BACH2: variants seen among roughly 807,000 people sequenced by gnomAD.
BACH2 encodes transcription regulator protein BACH2.
BACH2 carries 5 observed loss-of-function variants against 61.8 expected under a neutral mutation model. The observed-to-expected ratio is 0.08, with a 90% confidence interval of 0.04 to 0.17. BACH2 has a LOEUF of 0.17. Among genes scored for constraint, BACH2 ranks in the 10% least tolerant of loss-of-function variants. The pLI, the probability that BACH2 is intolerant of heterozygous loss-of-function variation, is 1.00. For synonymous variants in BACH2, 446 were observed against 440.1 expected (o/e 1.01, Z -0.17); for missense variants, 824 against 1,091.1 (o/e 0.76, Z 3.45).
chr6:90,066,238 A>G (rs1425150106), intron 5 of BACH2, among the ~76,000 whole-genome samples: 1 of 152,168 alleles, frequency 6.6e-6, no homozygotes, highest in Non-Finnish European at 1.5e-5. Flanking sequence ...ACCAAACCTC[A>G]TGATCAAAGA....
At chr6:90,265,233 G>A (rs1184754994) in intron 2 of BACH2, among the ~76,000 whole-genome samples, 1 of 152,168 alleles carries the variant, frequency 6.6e-6, no homozygotes, top group African/African-American at 2.4e-5. Context: ...GAGAGAGCAT[G>A]GTGGAGGACA....
rs547009557 is a variant in BACH2 at position 90,102,713 on chromosome 6, C to T, written c.-161-13604G>A. 4.8e-4 allele frequency among the ~76,000 whole-genome samples: 72 copies of T among 151,072 alleles called. 1 individual carries two copies. The South Asian group carries it at 0.011, about 23-fold the overall frequency. On this transcript the variant is annotated intron_variant, in intron 4 of 8. Coordinates refer to ENST00000257749, the MANE Select transcript of BACH2 (RefSeq NM_021813.4). ...GACGAGGCAGGAGAATCACTTGAAC[C>T]GAGGAGGCAGAGGTTACAGTGAGCC...
chr6:90,148,083 C>G lies in BACH2; in HGVS notation c.-162+58486G>C, dbSNP rs575449829. Among the ~76,000 whole-genome samples, 3 of 152,230 alleles carry G rather than the reference C, an allele frequency of 2.0e-5. No homozygotes were observed. In the South Asian group the frequency reaches 6.2e-4, roughly 32 times the overall value. Reference sequence around the variant, plus strand: ...CAAACAGTCCAACTTTAAAGGAACACCTCATTGACTTAAAGGTGGCAATTT... The same window carrying G: ...CAAACAGTCCAACTTTAAAGGAACAGCTCATTGACTTAAAGGTGGCAATTT... On this transcript the variant is annotated intron_variant, in intron 4 of 8. Coordinates refer to ENST00000257749, the MANE Select transcript of BACH2 (RefSeq NM_021813.4).
chr6:90,285,145 A>G (rs942061632), intron 1 of BACH2, among the ~76,000 whole-genome samples: 4 of 152,228 alleles, frequency 2.6e-5, no homozygotes, highest in Non-Finnish European at 5.9e-5. Flanking sequence ...CGATGAAAAT[A>G]AGCAAAACTG....
chr6:90,225,745 T>C (rs1382939916), intron 3 of BACH2, among the ~76,000 whole-genome samples: 4 of 152,238 alleles, frequency 2.6e-5, no homozygotes, highest in Admixed American at 2.6e-4. Context: ...CTGCACATCC[T>C]GCACGTGTAT....
chr6:89,963,028 C>G (rs1038625719), intron 6 of BACH2, among the ~76,000 whole-genome samples: 7 of 152,198 alleles, frequency 4.6e-5, no homozygotes, highest in Non-Finnish European at 8.8e-5. Flanking sequence ...AGAACTCCTA[C>G]AACTCCCAAC....
intron 3 of BACH2, among the ~76,000 whole-genome samples, chr6:90,247,343 C>T (rs138019506): frequency 5.6e-4 from 85 of 151,686 alleles, no homozygotes; most frequent in Admixed American, 1.6e-3. Context: ...TCAAGTGATC[C>T]TCCTGTTTCA....
At chr6:90,243,661 A>C (rs1034564219) in intron 3 of BACH2, among the ~76,000 whole-genome samples, 1 of 152,208 alleles carries the variant, frequency 6.6e-6, no homozygotes, top group Non-Finnish European at 1.5e-5. Flanking sequence ...TATGAATTTT[A>C]AAGTTTGACA....
At chr6:89,981,713 C>T (rs1300872809) in intron 6 of BACH2, among the ~76,000 whole-genome samples, 1 of 152,142 alleles carries the variant, frequency 6.6e-6, no homozygotes, top group Admixed American at 6.5e-5. Flanking sequence ...CAAGTGGATT[C>T]TCTTTAAAAA....
At chr6:90,063,076 T>G in intron 5 of BACH2, 11 of 188,468 alleles carry the variant, frequency 5.8e-5, no homozygotes, top group Non-Finnish European at 8.9e-5. Context: ...AATGTGCACA[T>G]ACCAATTCCT....
intron 4 of BACH2, among the ~76,000 whole-genome samples, chr6:90,107,198 C>T (rs1782958929): frequency 6.6e-6 from 1 of 151,980 alleles, no homozygotes; most frequent in African/African-American, 2.4e-5. Context: ...ATCATGAAAC[C>T]CCGTCTCTAC....
At chr6:90,057,726 G>T (rs1310451451) in intron 5 of BACH2, among the ~76,000 whole-genome samples, 18 of 152,036 alleles carry the variant, frequency 1.2e-4, no homozygotes, top group East Asian at 7.7e-4. Flanking sequence ...AAATCCTCAA[G>T]AAAATACTGG....
At chr6:89,953,333 T>C (rs758487670) in intron 6 of BACH2, 3 of 152,228 alleles carry the variant, frequency 2.0e-5, no homozygotes, top group Admixed American at 6.5e-5. Flanking sequence ...TGATTTCATA[T>C]CATTGCATTC....
intron 6 of BACH2, among the ~76,000 whole-genome samples, chr6:89,963,577 T>C (rs1732043542): frequency 1.3e-5 from 2 of 152,264 alleles, no homozygotes; most frequent in South Asian, 4.1e-4. Context: ...CAGGTGTGAG[T>C]CACTGCATTT....
chr6:90,267,762 G>A lies in BACH2; in HGVS notation c.-353+4087C>T, dbSNP rs545876470. 2.0e-5 allele frequency among the ~76,000 whole-genome samples: 3 copies of A among 152,154 alleles called. No individual in the cohort carries two copies. In the South Asian group the frequency reaches 6.2e-4, roughly 32 times the overall value. On this transcript the variant is annotated intron_variant, in intron 2 of 8. Transcript: ENST00000257749. ...ATAAATGTTGTAACAAAATATTAAA[G>A]AAAGTTGCAGAGTATTGTTTATGAT...
chr6:90,082,607 T>A (rs1426526554), intron 5 of BACH2, among the ~76,000 whole-genome samples: 1 of 152,164 alleles, frequency 6.6e-6, no homozygotes, highest in African/African-American at 2.4e-5. Context: ...GAAAAATACA[T>A]AAAAGTATGA....
chr6:90,228,996 CAG>C (rs924925440), intron 3 of BACH2, among the ~76,000 whole-genome samples: 1 of 152,166 alleles, frequency 6.6e-6, no homozygotes, highest in African/African-American at 2.4e-5. Flanking sequence ...GAGACACTGT[CAG>C]AGAGTTAAAA....
chr6:90,025,882 G>A (rs1019812868), intron 5 of BACH2, among the ~76,000 whole-genome samples: 8 of 152,186 alleles, frequency 5.3e-5, no homozygotes, highest in Admixed American at 1.3e-4. Context: ...CATGCAAAGT[G>A]CGCCATAAAG....
At chr6:90,022,156 T>C (rs1432351950) in intron 5 of BACH2, among the ~76,000 whole-genome samples, 1 of 152,208 alleles carries the variant, frequency 6.6e-6, no homozygotes, top group Non-Finnish European at 1.5e-5. Context: ...AAGTCCCAAT[T>C]TTTTTTGCTA....
Sources: gnomAD v4.1 joint callset for allele counts (sites outside exome capture counted in the v4.1 genomes callset) on GRCh38, gnomAD v4.1.1 for gene constraint, MANE v1.5 for transcripts, NCBI Gene and HGNC (gene_info 2026-07-23, HGNC 2026-07-21) for gene names.